Variants in NAPG observed in about 807,000 individuals in gnomAD.
NAPG encodes the protein NSF attachment protein gamma.
NAPG carries 25 observed loss-of-function variants against 48.4 expected under a neutral mutation model. That is an observed-to-expected ratio of 0.52 (90% CI 0.38 to 0.72). The LOEUF (loss-of-function observed/expected upper bound fraction) is 0.72. Among genes scored for constraint, NAPG ranks in the 30% least tolerant of loss-of-function variants. The pLI, the probability that NAPG is intolerant of heterozygous loss-of-function variation, is 0.00. For missense variants in NAPG, 359 were observed against 372.5 expected (o/e 0.96, Z 0.30); for synonymous variants, 139 against 127.2 (o/e 1.09, Z -0.62).
rs2032378129 is a variant in NAPG at position 10,550,978 on chromosome 18, T to A, written c.*758T>A. 1 of 151,092 alleles carries A rather than the reference T, an allele frequency of 6.6e-6. No homozygotes were observed. The highest frequency in any genetic ancestry group is 1.5e-5 in the Non-Finnish European group (1 of 67,990). 9.4% of individuals were successfully genotyped at this position (151,092 alleles called of 1,614,324 possible). On this transcript the variant is annotated 3_prime_UTR_variant, in exon 12 of 12. Coordinates refer to ENST00000322897, the MANE Select transcript of NAPG (RefSeq NM_003826.3). Reference sequence around the variant, plus strand: ...TAATGGGTAATGAATACCTTTTTGTTTGTTTGTTTGTTTGTTTTGTTTTTT... The same window carrying A: ...TAATGGGTAATGAATACCTTTTTGTATGTTTGTTTGTTTGTTTTGTTTTTT...
chr18:10,537,820 G>T (rs1230863314), intron 5 of NAPG, among the ~76,000 whole-genome samples: 1 of 152,166 alleles, frequency 6.6e-6, no homozygotes, highest in Non-Finnish European at 1.5e-5. Flanking sequence ...AATGATAGCA[G>T]TCTTATTTCA....
At chr18:10,527,811 G>T (rs574982884) in intron 1 of NAPG, among the ~76,000 whole-genome samples, 2 of 152,220 alleles carry the variant, frequency 1.3e-5, no homozygotes, top group Non-Finnish European at 1.5e-5. Flanking sequence ...GTTGGGGCCA[G>T]ACTGTGAAGG....
chr18:10,550,803 A>G lies in NAPG; in HGVS notation c.*583A>G, dbSNP rs535401382. The stretch of plus-strand genomic sequence containing the variant: ...ATAAAAGATGCATTGAAGCTCTTAT[A>G]TATTATGAGTTTGAAAAATTTTGAA... On this transcript the variant is annotated 3_prime_UTR_variant, in exon 12 of 12. Transcript: ENST00000322897. 2.0e-5 allele frequency: 3 copies of G among 152,350 alleles called. No individual in the cohort carries two copies. The highest frequency in any genetic ancestry group is 2.1e-4 in the South Asian group (1 of 4,826). 9.4% of individuals were successfully genotyped at this position (152,350 alleles called of 1,614,324 possible).
At position 10,548,944 on chromosome 18, in the gene NAPG, C is replaced by T. The variant is rs377632446; in HGVS notation, c.666-23C>T. ...TGTTCTTTTAAGGAGAAGGTGAAGACGTGTGATTTGTGCTTACTGCAGCAT... is the reference window on the plus strand; with the variant it reads ...TGTTCTTTTAAGGAGAAGGTGAAGATGTGTGATTTGTGCTTACTGCAGCAT... On this transcript the variant is annotated intron_variant, in intron 10 of 11. Coordinates refer to ENST00000322897, the MANE Select transcript of NAPG (RefSeq NM_003826.3). The surrounding 1 kb of genome is among the most constrained non-coding windows in gnomAD (Gnocchi z 4.4). 9.3e-6 allele frequency: 15 copies of T among 1,607,962 alleles called. No individual in the cohort carries two copies. Among genetic ancestry groups the T allele is most frequent in the African/African-American group, 2.7e-5 (2 of 74,726 alleles).
rs2032363048 is a variant in NAPG at position 10,550,356 on chromosome 18, G to T, written c.*136G>T. Reference sequence around the variant, plus strand: ...GGATCCTAATAAAGACTAGTTTTTAGTTACCATCTTCCCAAATCACTCATT... The same window carrying T: ...GGATCCTAATAAAGACTAGTTTTTATTTACCATCTTCCCAAATCACTCATT... On this transcript the variant is annotated 3_prime_UTR_variant, in exon 12 of 12. Transcript: ENST00000322897. 1 of 886,872 alleles carries T rather than the reference G, an allele frequency of 1.1e-6. No individual in the cohort carries two copies. The highest frequency in any genetic ancestry group is 4.0e-5 in the Admixed American group (1 of 24,934). 54.9% of individuals were successfully genotyped at this position (886,872 alleles called of 1,614,324 possible).
At chr18:10,526,934 A>G (rs374521900) in intron 1 of NAPG, among the ~76,000 whole-genome samples, 1 of 152,120 alleles carries the variant, frequency 6.6e-6, no homozygotes, top group Non-Finnish European at 1.5e-5. Flanking sequence ...TCACGTCTGC[A>G]ATCCCAGCAC....
At position 10,548,320 on chromosome 18, in the gene NAPG, G is replaced by A. The variant is rs778736536; in HGVS notation, c.607G>A (p.Val203Ile). 2 of 1,613,398 alleles carry A rather than the reference G, an allele frequency of 1.2e-6. No individual in the cohort carries two copies. Among genetic ancestry groups the A allele is most frequent in the South Asian group, 1.1e-5 (1 of 91,034 alleles). ...CYKKTIAQVL[V>I]HLHRNDYVAA... is the part of the protein sequence containing the mutation. ...TTAGAAAACAATTGCTCAAGTCTTA[G>A]TTCATCTACACAGAAATGACTATGT... The change falls in exon 10 of 12, where the codon GTT (valine) becomes ATT (isoleucine). Residue 203 changes from valine to isoleucine, a missense_variant. Val to Ile is a conservative substitution (Grantham distance 29). Coordinates refer to ENST00000322897, the MANE Select transcript of NAPG (RefSeq NM_003826.3). This position sits in a 1 kb window ranked among gnomAD's most constrained non-coding sequence, Gnocchi z 4.4.
rs16974809 is a variant in NAPG, at chr18:10,543,546, T to C, written c.507-2780T>C. On this transcript the variant is annotated intron_variant, in intron 8 of 11. Coordinates refer to ENST00000322897, the MANE Select transcript of NAPG (RefSeq NM_003826.3). The surrounding 1 kb of genome is among the most constrained non-coding windows in gnomAD (Gnocchi z 4.4). ...ATTTCTGTAGGTAGTTAAAAATAGG[T>C]TTTGGAGTTCAGGAAATAGTTGGGG... is the stretch of plus-strand genomic sequence containing the variant. Among the ~76,000 whole-genome samples the C allele has an allele frequency of 0.025, 3,870 of 152,160 alleles. 167 individuals carry two copies. Among genetic ancestry groups the C allele is most frequent in the African/African-American group, 0.087 (3,629 of 41,504 alleles).
At position 10,548,944 on chromosome 18, in the gene NAPG, CGT is replaced by C. The variant is rs770970617; in HGVS notation, c.666-19_666-18del. ...TGTTCTTTTAAGGAGAAGGTGAAGA[CGT>C]GTGATTTGTGCTTACTGCAGCATCC... is the stretch of plus-strand genomic sequence containing the variant. On this transcript the variant is annotated intron_variant, in intron 10 of 11. Coordinates refer to ENST00000322897, the MANE Select transcript of NAPG (RefSeq NM_003826.3). This position sits in a 1 kb window ranked among gnomAD's most constrained non-coding sequence, Gnocchi z 4.4. 1.2e-6 allele frequency: 2 copies of C among 1,608,080 alleles called. No individual in the cohort carries two copies. Among genetic ancestry groups the C allele is most frequent in the East Asian group, 2.2e-5 (1 of 44,670 alleles).
At chr18:10,528,679 T>A (rs796422857) in intron 1 of NAPG, among the ~76,000 whole-genome samples, 5 of 152,250 alleles carry the variant, frequency 3.3e-5, no homozygotes, top group African/African-American at 1.2e-4. Flanking sequence ...AACTCCTAGG[T>A]TTCTAACTTG....
chr18:10,533,481 A>G (rs1359505649), intron 3 of NAPG, 55 bp from the exon 4 acceptor site: 4 of 1,492,848 alleles, frequency 2.7e-6, no homozygotes, highest in African/African-American at 2.8e-5. Context: ...TGATCTATAG[A>G]AACTATTGAT....
chr18:10,539,525 A>T lies in NAPG; in HGVS notation c.259-237A>T, dbSNP rs57896003. 32,246 of 417,158 alleles carry T rather than the reference A, an allele frequency of 0.077. 1,802 individuals carry two copies. Among genetic ancestry groups the T allele is most frequent in the East Asian group, 0.26 (5,584 of 21,632 alleles). 25.8% of individuals were successfully genotyped at this position (417,158 alleles called of 1,614,324 possible). On this transcript the variant is annotated intron_variant, in intron 5 of 11. Coordinates refer to ENST00000322897, the MANE Select transcript of NAPG (RefSeq NM_003826.3). This position sits in a 1 kb window ranked among gnomAD's most constrained non-coding sequence, Gnocchi z 4.7. The stretch of plus-strand genomic sequence containing the variant: ...CTGGGCCTGTCGGGGGCTGGGGAAT[A>T]AGGGGAGGGAGAGCACTAGGACAAA...
chr18:10,530,949 A>C, intron 2 of NAPG, 112 bp downstream of exon 2: 1 of 797,716 alleles, frequency 1.3e-6, no homozygotes, highest in South Asian at 3.6e-5. Context: ...TAATAGTTAA[A>C]AAACAAACAA....
chr18:10,542,812 A>T lies in NAPG; in HGVS notation c.506+2413A>T, dbSNP rs1324942980. Among the ~76,000 whole-genome samples, 1 of 152,220 alleles carries T rather than the reference A, an allele frequency of 6.6e-6. No homozygotes were observed. Among genetic ancestry groups the T allele is most frequent in the Non-Finnish European group, 1.5e-5 (1 of 68,040 alleles). ...CTTCAGTTTTGGAGAGTCAAAATTC[A>T]GAAGTGATTCGTAGTTTCATTTAGA... On this transcript the variant is annotated intron_variant, in intron 8 of 11. Coordinates refer to ENST00000322897, the MANE Select transcript of NAPG (RefSeq NM_003826.3). The surrounding 1 kb of genome is among the most constrained non-coding windows in gnomAD (Gnocchi z 4.5).
chr18:10,533,237 T>C, intron 3 of NAPG: 1 of 310,190 alleles, frequency 3.2e-6, no homozygotes, highest in Non-Finnish European at 5.8e-6. Flanking sequence ...CAATAAAAAA[T>C]GTTTCTCTTA....
chr18:10,550,288 G>T lies in NAPG; in HGVS notation c.*68G>T. ...CTGACATGCCATTTCAAGGACTTGG[G>T]AATAGATTAGGGATATCCGTACTTC... On this transcript the variant is annotated 3_prime_UTR_variant, in exon 12 of 12. Transcript: ENST00000322897. 6.7e-7 allele frequency: 1 copy of T among 1,492,420 alleles called. No individual in the cohort carries two copies. Among genetic ancestry groups the T allele is most frequent in the Admixed American group, 2.4e-5 (1 of 42,054 alleles). The allele number at this position is 1,492,420 out of a possible 1,614,324, so 92.4% of individuals were successfully genotyped here.
intron 1 of NAPG, among the ~76,000 whole-genome samples, chr18:10,530,086 A>G (rs563644418): frequency 2.0e-5 from 3 of 152,048 alleles, no homozygotes; most frequent in African/African-American, 7.2e-5. Context: ...TTGGTTTGGC[A>G]TCCAAGAAGC....
chr18:10,533,612 T>G, intron 4 of NAPG, 59 bp downstream of exon 4: 1 of 1,432,176 alleles, frequency 7.0e-7, no homozygotes, highest in Non-Finnish European at 9.5e-7. Flanking sequence ...TTGCTGTTTT[T>G]CTGTAGGTTG....
In NAPG at chr18:10,532,795, C is replaced by T. The variant is rs916066691; in HGVS notation, c.209C>T (p.Ala70Val). Residue 70 changes from alanine (A) to valine (V), a missense_variant and splice_region_variant, in exon 3 of 12, where the codon GCT (alanine) becomes GTT (valine). Coordinates refer to ENST00000322897, the MANE Select transcript of NAPG (RefSeq NM_003826.3). Reference sequence around the variant, plus strand: ...GCTGTTGCCCATGAAAATAATAGGGCGTATCTTTTTCAACTTTTAAAAAGA... The same window carrying T: ...GCTGTTGCCCATGAAAATAATAGGGTGTATCTTTTTCAACTTTTAAAAAGA... ...REAVAHENNR[A>V]LFHAAKAYEQ... The T allele has an allele frequency of 7.7e-6, 12 of 1,553,580 alleles. No individual in the cohort carries two copies. The East Asian group carries it at 1.2e-4, about 15-fold the overall frequency.
Sources: gnomAD v4.1 joint callset for allele counts (sites outside exome capture counted in the v4.1 genomes callset) on GRCh38, gnomAD v4.1.1 for gene constraint, Gnocchi (gnomAD v3.1) non-coding constraint, MANE v1.5 for transcripts, NCBI Gene and HGNC (gene_info 2026-07-23, HGNC 2026-07-21) for gene names.